Variants in SLC35F3 observed in about 807,000 individuals in gnomAD.
The protein encoded by SLC35F3 is putative thiamine transporter SLC35F3.
A neutral mutation model predicts 49.9 loss-of-function variants in SLC35F3; 25 were observed. The observed-to-expected ratio is 0.50, with a 90% CI of 0.37 to 0.70. The LOEUF (loss-of-function observed/expected upper bound fraction) is 0.70. Ranked by LOEUF, SLC35F3 falls within the 30% of genes least tolerant of loss-of-function variation. SLC35F3 has a pLI of 0.00. For synonymous variants in SLC35F3, 275 were observed against 265.4 expected, an observed-to-expected ratio of 1.04 and a Z score of -0.35; for missense variants, 525 against 639.8, an observed-to-expected ratio of 0.82 and a Z score of 1.94.
intron 2 of SLC35F3, among the ~76,000 whole-genome samples, chr1:234,119,644 A>G (rs1309736309): frequency 4.6e-5 from 7 of 152,176 alleles, no homozygotes; most frequent in Non-Finnish European, 4.4e-5. Flanking sequence ...GCTCCCATGC[A>G]TCCCTGGTAG....
chr1:234,236,840 G>A (rs904632193), intron 3 of SLC35F3, among the ~76,000 whole-genome samples: 10 of 150,564 alleles, frequency 6.6e-5, no homozygotes, highest in East Asian at 2.0e-4. Flanking sequence ...ATGTGGGCAC[G>A]TGGACAGATG....
chr1:234,265,582 A>C (rs750198773), intron 3 of SLC35F3, among the ~76,000 whole-genome samples: 1 of 151,996 alleles, frequency 6.6e-6, no homozygotes, highest in Non-Finnish European at 1.5e-5. Flanking sequence ...ACTTCTCACC[A>C]GCCCCACCAT....
intron 2 of SLC35F3, among the ~76,000 whole-genome samples, chr1:234,108,222 A>T (rs1182920144): frequency 6.2e-5 from 8 of 129,632 alleles, no homozygotes; most frequent in Admixed American, 3.6e-4. Context: ...TATATATAAA[A>T]GATATATATA....
At chr1:234,267,646 C>A (rs1309265766) in intron 3 of SLC35F3, among the ~76,000 whole-genome samples, 2 of 151,656 alleles carry the variant, frequency 1.3e-5, no homozygotes, top group African/African-American at 4.9e-5. Flanking sequence ...GACCCCCCCA[C>A]CTCCCTCCCG....
At chr1:234,242,533 TA>T (rs539028227) in intron 3 of SLC35F3, among the ~76,000 whole-genome samples, 5 of 152,218 alleles carry the variant, frequency 3.3e-5, no homozygotes, top group Non-Finnish European at 5.9e-5. Flanking sequence ...CTGAGTTCGT[TA>T]AAAAAGACAA....
At chr1:234,272,690 T>A (rs1668127243) in intron 3 of SLC35F3, among the ~76,000 whole-genome samples, 1 of 152,154 alleles carries the variant, frequency 6.6e-6, no homozygotes, top group Non-Finnish European at 1.5e-5. Flanking sequence ...CAGCATTGGG[T>A]CTTTCTTAAA....
Position 234,242,192 on chromosome 1 carries a change from G to A in SLC35F3, c.608+10451G>A, listed in dbSNP as rs1156576161. Among the ~76,000 whole-genome samples, 5 of 152,222 alleles carry A rather than the reference G, an allele frequency of 3.3e-5. No homozygotes were observed. In the East Asian group the frequency reaches 7.7e-4, roughly 23 times the overall value. On this transcript the variant is annotated intron_variant, in intron 3 of 7. Coordinates refer to ENST00000366618, the MANE Select transcript of SLC35F3 (RefSeq NM_173508.4). Reference sequence around the variant, plus strand: ...TCTGTGCTAAGTGCTCCATAAGTCAGCCTCCAGTTCACCAGAATGCAGCTG... The same window carrying A: ...TCTGTGCTAAGTGCTCCATAAGTCAACCTCCAGTTCACCAGAATGCAGCTG...
At chr1:234,189,811 G>C (rs561047901) in intron 2 of SLC35F3, among the ~76,000 whole-genome samples, 1 of 152,316 alleles carries the variant, frequency 6.6e-6, no homozygotes, top group Non-Finnish European at 1.5e-5. Flanking sequence ...CGTAAGAGCT[G>C]TAAGGCAAAA....
chr1:234,121,133 C>CTTTT (rs66702949), intron 2 of SLC35F3, among the ~76,000 whole-genome samples: 27 of 102,780 alleles, frequency 2.6e-4, no homozygotes, highest in East Asian at 5.9e-4. Flanking sequence ...TGAAAAATTA[C>CTTTT]TTTTTTTTTT....
chr1:234,261,699 A>G (rs1303336438), intron 3 of SLC35F3: 1 of 152,108 alleles, frequency 6.6e-6, no homozygotes, highest in Non-Finnish European at 1.5e-5. Context: ...AGCAGGTCTC[A>G]TTTTACCCAC....
At chr1:234,149,661 A>C (rs1484061180) in intron 2 of SLC35F3, among the ~76,000 whole-genome samples, 1 of 152,048 alleles carries the variant, frequency 6.6e-6, no homozygotes, top group Non-Finnish European at 1.5e-5. Context: ...CCCTTAAAAA[A>C]CGCCCTGAGA....
At chr1:234,246,783 A>G (rs966230351) in intron 3 of SLC35F3, among the ~76,000 whole-genome samples, 1 of 152,266 alleles carries the variant, frequency 6.6e-6, no homozygotes, top group Non-Finnish European at 1.5e-5. Flanking sequence ...GGCATGAATA[A>G]GAAATCACTC....
At chr1:234,004,258 A>G (rs1426767001) in intron 2 of SLC35F3, among the ~76,000 whole-genome samples, 2 of 152,180 alleles carry the variant, frequency 1.3e-5, no homozygotes, top group Non-Finnish European at 2.9e-5. Flanking sequence ...GGAAAACAAA[A>G]CACATTCAGA....
At chr1:234,273,027 T>C (rs1180798734) in intron 3 of SLC35F3, among the ~76,000 whole-genome samples, 2 of 152,222 alleles carry the variant, frequency 1.3e-5, no homozygotes, top group African/African-American at 4.8e-5. Context: ...ATCCCTCTCT[T>C]GCTTTTCTGT....
At chr1:234,163,262 C>A (rs1244171656) in intron 2 of SLC35F3, among the ~76,000 whole-genome samples, 1 of 152,192 alleles carries the variant, frequency 6.6e-6, no homozygotes, top group Non-Finnish European at 1.5e-5. Flanking sequence ...ATGTTAGTAC[C>A]TTCCTTCTCT....
At chr1:234,286,895 C>T (rs1318161071) in intron 3 of SLC35F3, among the ~76,000 whole-genome samples, 1 of 152,152 alleles carries the variant, frequency 6.6e-6, no homozygotes, top group Non-Finnish European at 1.5e-5. Flanking sequence ...TATGGCTGGG[C>T]ACAGTTGCTT....
chr1:233,993,671 G>A (rs1000740985), intron 2 of SLC35F3, among the ~76,000 whole-genome samples: 1 of 152,092 alleles, frequency 6.6e-6, no homozygotes, highest in Non-Finnish European at 1.5e-5. Context: ...GGGCAGAGTC[G>A]AGCCCAGAGC....
chr1:234,052,825 C>T (rs958826197), intron 2 of SLC35F3, among the ~76,000 whole-genome samples: 2 of 152,176 alleles, frequency 1.3e-5, no homozygotes, highest in Non-Finnish European at 2.9e-5. Flanking sequence ...CCCAGAGATT[C>T]TGGTATGTTG....
intron 2 of SLC35F3, among the ~76,000 whole-genome samples, chr1:234,219,055 C>CA (rs60342594): frequency 0.014 from 780 of 54,928 alleles, 42 homozygotes; most frequent in African/African-American, 0.038. Context: ...GACTCCATCT[C>CA]AAAAAAAAAA....
Sources: gnomAD v4.1 joint callset for allele counts (sites outside exome capture counted in the v4.1 genomes callset) on GRCh38, gnomAD v4.1.1 for gene constraint, MANE v1.5 for transcripts, NCBI Gene and HGNC (gene_info 2026-07-23, HGNC 2026-07-21) for gene names.